Variants in CSMD3 observed in about 807,000 individuals in gnomAD.
CSMD3 encodes CUB and sushi domain-containing protein 3.
Under a neutral mutation model 435.2 loss-of-function variants are expected in CSMD3, and 177 were observed. The ratio of observed to expected loss-of-function variants is 0.41; its 90% CI spans 0.36 to 0.46. The LOEUF (loss-of-function observed/expected upper bound fraction) is 0.46, where lower values mean the gene tolerates loss of function less well. Among genes scored for constraint, CSMD3 ranks in the 20% least tolerant of loss-of-function variants. CSMD3 has a pLI of 0.34. For synonymous variants in CSMD3, 1,656 were observed against 1,520.5 expected (o/e 1.09, Z -2.07); for missense variants, 4,265 against 4,504.6 (o/e 0.95, Z 1.52).
At chr8:112,606,366 A>G (rs1189053957) in intron 22 of CSMD3, among the ~76,000 whole-genome samples, 1 of 152,158 alleles carries the variant, frequency 6.6e-6, no homozygotes, top group Non-Finnish European at 1.5e-5. Context: ...GACACTGCTC[A>G]GTAACTGGGA....
At chr8:112,302,336 G>T (rs1821010132) in intron 52 of CSMD3, among the ~76,000 whole-genome samples, 2 of 149,540 alleles carry the variant, frequency 1.3e-5, no homozygotes, top group South Asian at 4.3e-4. Flanking sequence ...AAGTAACTTT[G>T]GGCAAGCCCT....
chr8:112,295,106 G>A (rs1291063309), intron 54 of CSMD3, among the ~76,000 whole-genome samples: 4 of 151,824 alleles, frequency 2.6e-5, no homozygotes, highest in Admixed American at 1.3e-4. Context: ...ATATGCCTTC[G>A]CAACCTCATA....
rs181265704 is a variant in CSMD3, at chr8:113,155,936, G to A, written c.709+17786C>T. 5.6e-4 allele frequency among the ~76,000 whole-genome samples: 85 copies of A among 152,114 alleles called. No homozygotes were observed. In the East Asian group the frequency reaches 0.016, roughly 29 times the overall value. On this transcript the variant is annotated intron_variant, in intron 4 of 70. Coordinates refer to ENST00000297405, the MANE Select transcript of CSMD3 (RefSeq NM_198123.2). ...TACAGGAAGCCTTTCAGCTGCTGTG[G>A]TTTTCTATAATGATTCTGAAAGTTT...
intron 22 of CSMD3, among the ~76,000 whole-genome samples, chr8:112,632,712 T>C (rs943026147): frequency 2.0e-5 from 3 of 152,092 alleles, no homozygotes; most frequent in Non-Finnish European, 4.4e-5. Context: ...TTTTGTAATG[T>C]AAACTTTAGA....
intron 42 of CSMD3, among the ~76,000 whole-genome samples, chr8:112,338,511 A>C (rs1277712393): frequency 3.3e-5 from 5 of 152,158 alleles, no homozygotes; most frequent in Non-Finnish European, 7.4e-5. Context: ...TTTAATTAAG[A>C]AGTTCAAAAT....
At chr8:113,296,750 G>A (rs1431661718) in intron 2 of CSMD3, among the ~76,000 whole-genome samples, 1 of 142,420 alleles carries the variant, frequency 7.0e-6, no homozygotes, top group African/African-American at 2.6e-5. Flanking sequence ...TCCTCCTTCT[G>A]TTTCTTGGTT....
At chr8:113,350,724 T>C (rs1413548066) in intron 1 of CSMD3, among the ~76,000 whole-genome samples, 2 of 152,082 alleles carry the variant, frequency 1.3e-5, no homozygotes, top group East Asian at 3.9e-4. Flanking sequence ...TAGAATCAAG[T>C]CACAGCCTAC....
chr8:113,362,526 C>G (rs774101072), intron 1 of CSMD3, among the ~76,000 whole-genome samples: 1 of 152,186 alleles, frequency 6.6e-6, no homozygotes, highest in African/African-American at 2.4e-5. Flanking sequence ...GGTAACAAGA[C>G]TATTGCAGTG....
At chr8:112,725,170 G>T (rs1326043141) in intron 13 of CSMD3, among the ~76,000 whole-genome samples, 3 of 151,894 alleles carry the variant, frequency 2.0e-5, no homozygotes, top group East Asian at 3.9e-4. Flanking sequence ...TTAACAAAGG[G>T]AGAAATAAAT....
chr8:112,919,122 T>C (rs2082657403), intron 10 of CSMD3, among the ~76,000 whole-genome samples: 1 of 151,968 alleles, frequency 6.6e-6, no homozygotes, highest in Admixed American at 6.6e-5. Context: ...CTATGTCTAA[T>C]ATCTGCAAAA....
chr8:113,208,993 T>C (rs747645035), intron 3 of CSMD3, among the ~76,000 whole-genome samples: 7 of 152,176 alleles, frequency 4.6e-5, no homozygotes, highest in Non-Finnish European at 1.0e-4. Context: ...TATGTTCTTT[T>C]ACAAAATGTT....
At chr8:112,677,926 T>C (rs1352221676) in intron 16 of CSMD3, among the ~76,000 whole-genome samples, 2 of 152,168 alleles carry the variant, frequency 1.3e-5, no homozygotes, top group Non-Finnish European at 2.9e-5. Flanking sequence ...AATGGATTGA[T>C]TGTGGCTCTT....
At chr8:112,647,323 T>C (rs1001806467) in intron 19 of CSMD3, among the ~76,000 whole-genome samples, 1 of 146,774 alleles carries the variant, frequency 6.8e-6, no homozygotes, top group Non-Finnish European at 1.5e-5. Flanking sequence ...TTTTTTGAGA[T>C]GGAATCTCGC....
At chr8:112,268,710 T>A (rs888453102) in intron 59 of CSMD3, among the ~76,000 whole-genome samples, 3 of 152,184 alleles carry the variant, frequency 2.0e-5, no homozygotes. Flanking sequence ...AAATGCTTGC[T>A]TGAGCATCAT....
chr8:113,026,913 T>C (rs796201980), intron 5 of CSMD3, among the ~76,000 whole-genome samples: 5 of 152,326 alleles, frequency 3.3e-5, no homozygotes, highest in African/African-American at 1.2e-4. Flanking sequence ...GTTTATATTA[T>C]ATAATCTATG....
In CSMD3 at chr8:112,547,162, G is replaced by T. The variant is rs577306736; in HGVS notation, c.4564+3509C>A. Among the ~76,000 whole-genome samples, 3 of 152,218 alleles carry T rather than the reference G, an allele frequency of 2.0e-5. No individual in the cohort carries two copies. In the South Asian group the frequency reaches 6.2e-4, roughly 32 times the overall value. On this transcript the variant is annotated intron_variant, in intron 27 of 70. Transcript: ENST00000297405. ...TGATTTTGTAGGAGCATCCTGGTTT[G>T]TGCCTATTGCTGAGCTTAATTTTTA...
intron 13 of CSMD3, among the ~76,000 whole-genome samples, chr8:112,696,852 C>G (rs2131854542): frequency 6.6e-6 from 1 of 152,020 alleles, no homozygotes; most frequent in African/African-American, 2.4e-5. Context: ...TATCCAGAAT[C>G]TACAAAGAAC....
At chr8:113,104,182 T>G (rs2090411049) in intron 4 of CSMD3, among the ~76,000 whole-genome samples, 1 of 152,132 alleles carries the variant, frequency 6.6e-6, no homozygotes, top group Non-Finnish European at 1.5e-5. Context: ...TTGTTTATCA[T>G]CAAAGAGAAA....
rs534015816 is a variant in CSMD3, at chr8:112,356,617, G to A, written c.6137-4083C>T. Among the ~76,000 whole-genome samples the A allele has an allele frequency of 2.2e-4, 33 of 151,308 alleles. 1 individual carries two copies. In the South Asian group the frequency reaches 5.4e-3, roughly 25 times the overall value. The stretch of plus-strand genomic sequence containing the variant: ...CATGTGTCTCCTCCCACAACACGTG[G>A]GAATTCTCATCTTGAATTCCCACGT... On this transcript the variant is annotated intron_variant, in intron 38 of 70. Transcript: ENST00000297405.
Sources: gnomAD v4.1 joint callset for allele counts (sites outside exome capture counted in the v4.1 genomes callset) on GRCh38, gnomAD v4.1.1 for gene constraint, MANE v1.5 for transcripts, NCBI Gene and HGNC (gene_info 2026-07-23, HGNC 2026-07-21) for gene names.